The following JAKMIP3 variants were observed in gnomAD, a reference collection of about 807,000 sequenced individuals.
JAKMIP3 encodes the protein janus kinase and microtubule-interacting protein 3.
Under a neutral mutation model 118.5 loss-of-function variants are expected in JAKMIP3, and 58 were observed. The observed-to-expected ratio is 0.49, with a 90% CI of 0.40 to 0.61. The LOEUF (loss-of-function observed/expected upper bound fraction) is 0.61. Ranked by LOEUF, JAKMIP3 falls within the 20% of genes least tolerant of loss-of-function variation. The pLI is 0.00. For synonymous variants in JAKMIP3, 486 were observed against 451.2 expected (o/e 1.08, Z -0.98); for missense variants, 950 against 1,109.0 (o/e 0.86, Z 2.04).
At chr10:132,096,077 G>C (rs1297417234) in intron 1 of JAKMIP3, among the ~76,000 whole-genome samples, 1 of 152,220 alleles carries the variant, frequency 6.6e-6, no homozygotes, top group Non-Finnish European at 1.5e-5. Context: ...CACCTGAAGA[G>C]CTGGGGGATC....
rs1167487744 is a variant in JAKMIP3 at position 132,168,417 on chromosome 10, G to C, written c.*487G>C. On this transcript the variant is annotated 3_prime_UTR_variant, in exon 23 of 24. Transcript: ENST00000684848. ...GATGACAAGATGAAAGCTGGACGGTGACCTTCATTCAGGGGAACCTGGAGG... is the reference window on the plus strand; with the variant it reads ...GATGACAAGATGAAAGCTGGACGGTCACCTTCATTCAGGGGAACCTGGAGG... 1 of 1,288,494 alleles carries C rather than the reference G, an allele frequency of 7.8e-7. No individual in the cohort carries two copies. Among genetic ancestry groups the C allele is most frequent in the Non-Finnish European group, 1.0e-6 (1 of 988,138 alleles). The allele number at this position is 1,288,494 out of a possible 1,614,324, so 79.8% of individuals were successfully genotyped here.
chr10:132,119,155 A>C (rs2048164191), intron 3 of JAKMIP3, among the ~76,000 whole-genome samples: 1 of 150,410 alleles, frequency 6.6e-6, no homozygotes, highest in Admixed American at 6.6e-5. Context: ...CTGTGTCTTC[A>C]CTCTCCATCC....
At chr10:132,043,423 C>T (rs1280337143) in intron 1 of JAKMIP3, among the ~76,000 whole-genome samples, 1 of 152,050 alleles carries the variant, frequency 6.6e-6, no homozygotes, top group Non-Finnish European at 1.5e-5. Context: ...CTGCACTGTA[C>T]CTTTTGTATT....
At position 132,118,243 on chromosome 10, in the gene JAKMIP3, C is replaced by T. The variant is rs1242524766; in HGVS notation, c.633+669C>T. ...CCTAATAGCTCCAGAGACCTGGGCA[C>T]CCATGGCAGGCACCAGGAGAGTCGA... On this transcript the variant is annotated intron_variant, in intron 3 of 23. Transcript: ENST00000684848. The surrounding 1 kb of genome is among the most constrained non-coding windows in gnomAD (Gnocchi z 4.8). 1.3e-5 allele frequency among the ~76,000 whole-genome samples: 2 copies of T among 152,188 alleles called. No individual in the cohort carries two copies. Among genetic ancestry groups the T allele is most frequent in the Non-Finnish European group, 2.9e-5 (2 of 68,028 alleles).
chr10:132,077,330 C>CGTCTTCTGCTCTCTCTCAGCCCTTCCT (rs1403618139), intron 1 of JAKMIP3, among the ~76,000 whole-genome samples: 1 of 152,142 alleles, frequency 6.6e-6, no homozygotes, highest in Non-Finnish European at 1.5e-5. Context: ...GGCCACTTCC[C>CGTCTTCTGCTCTCTCTCAGCCCTTCCT]GTCTTCTGCT....
chr10:132,132,216 A>G (rs993048751), intron 3 of JAKMIP3, among the ~76,000 whole-genome samples: 3 of 152,244 alleles, frequency 2.0e-5, no homozygotes, highest in African/African-American at 7.2e-5. Flanking sequence ...AGCTAATTTC[A>G]GCAATAGCAG....
intron 1 of JAKMIP3, among the ~76,000 whole-genome samples, chr10:132,042,184 CTCCTTCCTTCCT>C (rs58374693): frequency 2.3e-4 from 31 of 132,096 alleles, no homozygotes; most frequent in Non-Finnish European, 3.3e-4. Context: ...TGCTCGCTCG[CTCCTTCCTTCCT>C]TCCTTCCTTC....
rs200787803 is a variant in JAKMIP3 at position 132,145,590 on chromosome 10, G to A, written c.1749+10G>A. ...AGAGCTTGTGGAAAAGGTGAGCCCC[G>A]AACCCCTGGAGGCCCTGGCAGGACT... On this transcript the variant is annotated intron_variant, in intron 13 of 23. Coordinates refer to ENST00000684848, the MANE Select transcript of JAKMIP3 (RefSeq NM_001323087.2). The A allele has an allele frequency of 2.5e-5, 39 of 1,558,336 alleles. No homozygotes were observed. The highest frequency in any genetic ancestry group is 4.1e-5 in the African/African-American group (3 of 73,534).
At chr10:132,148,636 G>A (rs905506554) in intron 14 of JAKMIP3, among the ~76,000 whole-genome samples, 3 of 152,028 alleles carry the variant, frequency 2.0e-5, no homozygotes, top group Admixed American at 6.5e-5. Context: ...GGGGCCACGC[G>A]GTGACTGGGA....
intron 16 of JAKMIP3, among the ~76,000 whole-genome samples, chr10:132,150,576 C>T (rs1208122850): frequency 2.6e-5 from 4 of 152,192 alleles, no homozygotes; most frequent in African/African-American, 9.7e-5. Context: ...AATGCACCAT[C>T]TACCTAGCCC....
rs1247372955 is a variant in JAKMIP3, at chr10:132,112,095, G to A, written c.136-4982G>A. Among the ~76,000 whole-genome samples the A allele has an allele frequency of 6.6e-6, 1 of 152,134 alleles. No individual in the cohort carries two copies. Among genetic ancestry groups the A allele is most frequent in the Non-Finnish European group, 1.5e-5 (1 of 68,012 alleles). ...CCAGGCTTGGGTCTGAGCAGCAGTG[G>A]CCGGGCTGCCCTTTGCTGAGGTGGC... On this transcript the variant is annotated intron_variant, in intron 2 of 23. Transcript: ENST00000684848. This position sits in a 1 kb window ranked among gnomAD's most constrained non-coding sequence, Gnocchi z 4.3.
chr10:132,047,594 G>A (rs1363137696), intron 1 of JAKMIP3, among the ~76,000 whole-genome samples: 4 of 151,100 alleles, frequency 2.6e-5, no homozygotes, highest in Non-Finnish European at 5.9e-5. Flanking sequence ...AATCCCACAG[G>A]TTCCCGTGGA....
intron 16 of JAKMIP3, among the ~76,000 whole-genome samples, chr10:132,151,091 C>A (rs2056102971): frequency 6.6e-6 from 1 of 152,128 alleles, no homozygotes; most frequent in Admixed American, 6.5e-5. Context: ...TCCCATTCAT[C>A]CTCCATAATC....
At position 132,158,956 on chromosome 10, in the gene JAKMIP3, C is replaced by T. The variant is rs755123720; in HGVS notation, c.2221-4253C>T. ...TGTGATGCTGGGGGGGGGGACCTCT[C>T]GCTGTGTGATGCTGGGGGGGATCTC... On this transcript the variant is annotated intron_variant, in intron 19 of 23. Coordinates refer to ENST00000684848, the MANE Select transcript of JAKMIP3 (RefSeq NM_001323087.2). 2.5e-3 allele frequency among the ~76,000 whole-genome samples: 179 copies of T among 71,132 alleles called. 6 individuals carry two copies. Among genetic ancestry groups the T allele is most frequent in the Middle Eastern group, 0.021 (1 of 48 alleles). 46.7% of individuals were successfully genotyped at this position (71,132 alleles called of 152,430 possible).
chr10:132,099,811 A>T (rs1472839180), intron 1 of JAKMIP3, among the ~76,000 whole-genome samples: 2 of 152,110 alleles, frequency 1.3e-5, no homozygotes, highest in Admixed American at 6.5e-5. Context: ...CGTGTCACGG[A>T]CGGCACGTTC....
In JAKMIP3 at chr10:132,044,269, G is replaced by A. The variant is rs1234461524; in HGVS notation, c.-138+7531G>A. On this transcript the variant is annotated intron_variant, in intron 1 of 23. Transcript: ENST00000657785. This position sits in a 1 kb window ranked among gnomAD's most constrained non-coding sequence, Gnocchi z 5.3. ...AGACACGTCTCCTGGTCCAGGCATC[G>A]TGGACCTCCCTGGGGTGAGTAGTCA... 2.0e-5 allele frequency among the ~76,000 whole-genome samples: 3 copies of A among 152,196 alleles called. No individual in the cohort carries two copies. The highest frequency in any genetic ancestry group is 1.3e-4 in the Admixed American group (2 of 15,278).
intron 19 of JAKMIP3, among the ~76,000 whole-genome samples, chr10:132,161,578 T>C (rs61864454): frequency 6.5e-4 from 8 of 12,344 alleles, no homozygotes; most frequent in African/African-American, 2.6e-3. Context: ...CTGGGGGGTA[T>C]CTCTCCCTGT....
intron 1 of JAKMIP3, among the ~76,000 whole-genome samples, chr10:132,099,510 C>T (rs1338776568): frequency 1.3e-5 from 2 of 152,156 alleles, no homozygotes; most frequent in African/African-American, 4.8e-5. Context: ...AAACTGACCG[C>T]GAAGCCCACT....
In JAKMIP3 at chr10:132,118,095, G is replaced by T. The variant is rs564890502; in HGVS notation, c.633+521G>T. On this transcript the variant is annotated intron_variant, in intron 3 of 23. Transcript: ENST00000684848. This position sits in a 1 kb window ranked among gnomAD's most constrained non-coding sequence, Gnocchi z 4.8. ...GAGAGGCGAGATCAGGAGGCCCCGG[G>T]GGGTGGGATGGCCCCCAGCTGCCCT... Among the ~76,000 whole-genome samples the T allele has an allele frequency of 1.3e-5, 2 of 152,160 alleles. No individual in the cohort carries two copies. The highest frequency in any genetic ancestry group is 2.1e-4 in the South Asian group (1 of 4,828).
Sources: allele counts gnomAD v4.1 joint callset (sites outside exome capture counted in the v4.1 genomes callset), GRCh38; gene constraint gnomAD v4.1.1; non-coding constraint Gnocchi (gnomAD v3.1); transcripts MANE v1.5; gene names NCBI Gene and HGNC (gene_info 2026-07-23, HGNC 2026-07-21).